LDLRAD3: variants seen among roughly 807,000 people sequenced by gnomAD.
LDLRAD3 encodes low density lipoprotein receptor class A domain containing 3.
Under a neutral mutation model 29.4 loss-of-function variants are expected in LDLRAD3, and 20 were observed. That is an observed-to-expected ratio of 0.68 (90% confidence interval 0.48 to 0.99). LDLRAD3 has a LOEUF of 0.99. Ranked by LOEUF, LDLRAD3 falls within the 50% of genes least tolerant of loss-of-function variation. LDLRAD3 has a pLI of 0.00. For synonymous variants in LDLRAD3, 157 were observed against 192.7 expected (o/e 0.81, Z 1.53); for missense variants, 420 against 454.3 (o/e 0.92, Z 0.69).
Position 36,006,591 on chromosome 11 carries a change from A to AT in LDLRAD3, c.47-29511dup, listed in dbSNP as rs150178652. Among the ~76,000 whole-genome samples, 418 of 152,296 alleles carry AT rather than the reference A, an allele frequency of 2.7e-3. 2 individuals carry two copies. The highest frequency in any genetic ancestry group is 9.8e-3 in the African/African-American group (406 of 41,558). Reference sequence around the variant, plus strand: ...GTTTAAGAGTGTGGGTTTTAGAGTCATACAGACCTGGGTTCCATGACTGTC... The same window carrying AT: ...GTTTAAGAGTGTGGGTTTTAGAGTCATTACAGACCTGGGTTCCATGACTGTC... On this transcript the variant is annotated intron_variant, in intron 1 of 5. Transcript: ENST00000315571.
intron 1 of LDLRAD3, among the ~76,000 whole-genome samples, chr11:35,981,706 G>A (rs971142882): frequency 8.5e-5 from 13 of 152,176 alleles, no homozygotes; most frequent in African/African-American, 2.4e-4. Flanking sequence ...TGGCAGGATA[G>A]ACTTGGAAAT....
intron 4 of LDLRAD3, among the ~76,000 whole-genome samples, chr11:36,122,928 C>T (rs1471455831): frequency 6.6e-6 from 1 of 152,152 alleles, no homozygotes; most frequent in Non-Finnish European, 1.5e-5. Flanking sequence ...TAAATACCAG[C>T]ACTTTGGGAA....
intron 4 of LDLRAD3, among the ~76,000 whole-genome samples, chr11:36,176,344 G>T (rs368951449): frequency 6.6e-6 from 1 of 152,082 alleles, no homozygotes; most frequent in African/African-American, 2.4e-5. Context: ...TGTTCCTCGT[G>T]CTAGTTGTTG....
chr11:36,190,295 G>A (rs1854921699), intron 4 of LDLRAD3, among the ~76,000 whole-genome samples: 1 of 152,202 alleles, frequency 6.6e-6, no homozygotes, highest in Non-Finnish European at 1.5e-5. Flanking sequence ...AGGAAATCAA[G>A]ACTAGTGTGG....
intron 2 of LDLRAD3, among the ~76,000 whole-genome samples, chr11:36,068,829 GCTT>G (rs927085001): frequency 6.6e-5 from 10 of 152,236 alleles, no homozygotes; most frequent in African/African-American, 2.4e-4. Flanking sequence ...AAACCTAGAT[GCTT>G]CTTATCTCTG....
At chr11:36,020,777 A>G (rs1164732536) in intron 1 of LDLRAD3, among the ~76,000 whole-genome samples, 2 of 152,176 alleles carry the variant, frequency 1.3e-5, no homozygotes, top group African/African-American at 4.8e-5. Flanking sequence ...ACCTCTGCTG[A>G]CCCAGGGACC....
chr11:36,052,466 C>G (rs1002846738), intron 2 of LDLRAD3, among the ~76,000 whole-genome samples: 5 of 152,166 alleles, frequency 3.3e-5, no homozygotes, highest in African/African-American at 1.2e-4. Context: ...GATTATATCC[C>G]TGTTAACAGT....
At chr11:36,152,207 C>T (rs1298932140) in intron 4 of LDLRAD3, among the ~76,000 whole-genome samples, 5 of 152,182 alleles carry the variant, frequency 3.3e-5, no homozygotes, top group South Asian at 2.1e-4. Context: ...TTGTGATACA[C>T]GTGCTCCTGA....
Position 36,058,403 on chromosome 11 carries a change from A to G in LDLRAD3, c.193+22154A>G, listed in dbSNP as rs148844714. On this transcript the variant is annotated intron_variant, in intron 2 of 5. Transcript: ENST00000315571. ...CCTACTTTATCAACTCCATTTGCTT[A>G]TAGGTCTGCGTCTCTGTCAGATTGC... Among the ~76,000 whole-genome samples the G allele has an allele frequency of 1.2e-4, 18 of 152,324 alleles. No homozygotes were observed. The East Asian group carries it at 3.5e-3, about 29-fold the overall frequency.
intron 4 of LDLRAD3, among the ~76,000 whole-genome samples, chr11:36,215,828 C>G (rs1203455335): frequency 6.6e-6 from 1 of 152,196 alleles, no homozygotes; most frequent in African/African-American, 2.4e-5. Flanking sequence ...TCCAAGTGTG[C>G]ACACTCAGCA....
chr11:36,025,167 T>G (rs574337397), intron 1 of LDLRAD3, among the ~76,000 whole-genome samples: 5 of 152,292 alleles, frequency 3.3e-5, no homozygotes, highest in African/African-American at 1.2e-4. Flanking sequence ...TTGTAGTTGG[T>G]GGGGTTTTTG....
At position 36,227,332 on chromosome 11, in the gene LDLRAD3, C is replaced by T. The variant is rs781059733; in HGVS notation, c.702C>T (p.Asn234=). 1.5e-5 allele frequency: 24 copies of T among 1,614,048 alleles called. No homozygotes were observed. Among genetic ancestry groups the T allele is most frequent in the African/African-American group, 9.3e-5 (7 of 74,928 alleles). ...CCCACCACTGCAACGTCACCTACAA[C>T]GTCAATAATGGCATCCAGTATGTGG... ...DHPHHCNVTY[N]VNNGIQYVAS... is the part of the protein sequence containing the mutation. Residue 234 remains asparagine (N), a synonymous_variant, in exon 5 of 6, where the codon AAC becomes AAT. Transcript: ENST00000315571.
At chr11:35,977,818 C>G (rs1851494320) in intron 1 of LDLRAD3, among the ~76,000 whole-genome samples, 1 of 152,174 alleles carries the variant, frequency 6.6e-6, no homozygotes, top group Non-Finnish European at 1.5e-5. Context: ...TTTCAGGCCT[C>G]TTTCATAAAG....
intron 4 of LDLRAD3, among the ~76,000 whole-genome samples, chr11:36,129,879 A>C (rs1853899247): frequency 6.6e-6 from 1 of 152,102 alleles, no homozygotes; most frequent in African/African-American, 2.4e-5. Context: ...TCTCTGTAGT[A>C]TTTATCACCA....
intron 1 of LDLRAD3, among the ~76,000 whole-genome samples, chr11:36,002,324 G>A (rs1358716030): frequency 2.0e-5 from 3 of 152,216 alleles, no homozygotes; most frequent in African/African-American, 7.2e-5. Flanking sequence ...ATGGCTTGCA[G>A]CAGAGACAGC....
rs976327031 is a variant in LDLRAD3 at position 36,231,299 on chromosome 11, A to C, written c.*1902A>C. ...TGGTATTTTGTTTTGTTTAAAAAAA[A>C]AAAGAAAGAAAGAAAGAAAGAAAAA... On this transcript the variant is annotated 3_prime_UTR_variant, in exon 6 of 6. Transcript: ENST00000315571. The C allele has an allele frequency of 6.6e-6, 1 of 152,134 alleles. No individual in the cohort carries two copies. Among genetic ancestry groups the C allele is most frequent in the Non-Finnish European group, 1.5e-5 (1 of 68,020 alleles). 9.4% of individuals were successfully genotyped at this position (152,134 alleles called of 1,614,324 possible).
chr11:35,974,607 G>T (rs1170519542), intron 1 of LDLRAD3, among the ~76,000 whole-genome samples: 1 of 152,204 alleles, frequency 6.6e-6, no homozygotes, highest in East Asian at 1.9e-4. Context: ...TCATTTCCTT[G>T]CAGACAGCCA....
At chr11:36,091,888 G>T (rs1311337250) in intron 3 of LDLRAD3, among the ~76,000 whole-genome samples, 1 of 152,134 alleles carries the variant, frequency 6.6e-6, no homozygotes, top group Non-Finnish European at 1.5e-5. Flanking sequence ...CCTGGACCAG[G>T]CCCCATGGGA....
At chr11:36,045,300 C>G (rs1458180366) in intron 2 of LDLRAD3, among the ~76,000 whole-genome samples, 1 of 152,160 alleles carries the variant, frequency 6.6e-6, no homozygotes, top group African/African-American at 2.4e-5. Flanking sequence ...GGTAATTTTA[C>G]ACTAAGGGGA....
Sources: gnomAD v4.1 joint callset for allele counts (sites outside exome capture counted in the v4.1 genomes callset) on GRCh38, gnomAD v4.1.1 for gene constraint, MANE v1.5 for transcripts, NCBI Gene and HGNC (gene_info 2026-07-23, HGNC 2026-07-21) for gene names.